The following ITFG1 variants were observed in gnomAD, a reference collection of about 807,000 sequenced individuals.
ITFG1 encodes T-cell immunomodulatory protein.
Under a neutral mutation model 81.8 loss-of-function variants are expected in ITFG1, and 34 were observed. The observed-to-expected ratio is 0.42, with a 90% CI of 0.32 to 0.55. ITFG1 has a LOEUF of 0.55. ITFG1 is among the 20% of genes least tolerant of loss of function. The pLI, the probability that ITFG1 is intolerant of heterozygous loss-of-function variation, is 0.17. For synonymous variants in ITFG1, 285 were observed against 270.6 expected (o/e 1.05, Z -0.52); for missense variants, 672 against 755.4 (o/e 0.89, Z 1.29).
Position 47,249,666 on chromosome 16 carries a change from G to A in ITFG1, c.1330+8966C>T, listed in dbSNP as rs1966044731. On this transcript the variant is annotated intron_variant, in intron 12 of 17. Coordinates refer to ENST00000320640, the MANE Select transcript of ITFG1 (RefSeq NM_030790.5). Reference sequence around the variant, plus strand: ...GATTTAATTTGTAGTTTAAAACATGGACAATGGGATGTGCAATTTGTAAGT... The same window carrying A: ...GATTTAATTTGTAGTTTAAAACATGAACAATGGGATGTGCAATTTGTAAGT... Among the ~76,000 whole-genome samples, 4 of 152,254 alleles carry A rather than the reference G, an allele frequency of 2.6e-5. No individual in the cohort carries two copies. The South Asian group carries it at 8.3e-4, about 32-fold the overall frequency.
intron 14 of ITFG1, among the ~76,000 whole-genome samples, chr16:47,194,588 C>T (rs140462540): frequency 2.1e-4 from 32 of 152,240 alleles, no homozygotes; most frequent in African/African-American, 4.6e-4. Flanking sequence ...TGTTCTCTAG[C>T]GCTGCAAATA....
intron 8 of ITFG1, among the ~76,000 whole-genome samples, chr16:47,359,079 A>T (rs1283739081): frequency 6.6e-6 from 1 of 152,170 alleles, no homozygotes; most frequent in Non-Finnish European, 1.5e-5. Flanking sequence ...GGGATAAGCA[A>T]GGGCAAAGGC....
At chr16:47,248,014 T>C (rs2151537717) in intron 12 of ITFG1, among the ~76,000 whole-genome samples, 1 of 152,334 alleles carries the variant, frequency 6.6e-6, no homozygotes, top group South Asian at 2.1e-4. Context: ...TTCTGCATTC[T>C]CTTTTTCCTT....
At chr16:47,195,491 CAA>C (rs1395751582) in intron 14 of ITFG1, among the ~76,000 whole-genome samples, 4 of 152,100 alleles carry the variant, frequency 2.6e-5, no homozygotes, top group Non-Finnish European at 4.4e-5. Flanking sequence ...TTACTTTAAA[CAA>C]AGTTTTTTTT....
chr16:47,243,925 G>A (rs866819296), intron 12 of ITFG1, among the ~76,000 whole-genome samples: 18 of 152,170 alleles, frequency 1.2e-4, no homozygotes, highest in African/African-American at 4.3e-4. Flanking sequence ...TAGCTACTCG[G>A]GAGGCTGGGG....
rs536061949 is a variant in ITFG1, at chr16:47,168,557, T to G, written c.1454-5893A>C. Reference sequence around the variant, plus strand: ...TGGCTAATTAAAAGTTTTTTTTTTTTTTTTTTTTTTTCTAGAGACAAGGTC... The same window carrying G: ...TGGCTAATTAAAAGTTTTTTTTTTTGTTTTTTTTTTTCTAGAGACAAGGTC... On this transcript the variant is annotated intron_variant, in intron 14 of 17. Transcript: ENST00000320640. Among the ~76,000 whole-genome samples the G allele has an allele frequency of 3.3e-5, 5 of 149,506 alleles. No homozygotes were observed. The East Asian group carries it at 9.7e-4, about 29-fold the overall frequency.
chr16:47,176,953 C>CTTT (rs746522529), intron 14 of ITFG1, among the ~76,000 whole-genome samples: 9 of 135,192 alleles, frequency 6.7e-5, no homozygotes, highest in South Asian at 2.4e-4. Context: ...TCTTCTTCTT[C>CTTT]TTTTTTTTTT....
chr16:47,192,308 C>CACCA (rs1246066790), intron 14 of ITFG1, among the ~76,000 whole-genome samples: 3 of 152,268 alleles, frequency 2.0e-5, no homozygotes, highest in Admixed American at 2.0e-4. Flanking sequence ...GCTGCCTTTG[C>CACCA]TGGTAGTTGC....
chr16:47,362,320 T>C (rs1968119909), intron 8 of ITFG1, among the ~76,000 whole-genome samples: 1 of 152,224 alleles, frequency 6.6e-6, no homozygotes, highest in Non-Finnish European at 1.5e-5. Flanking sequence ...TCAGAGGTTC[T>C]AATAATCTTC....
At chr16:47,216,640 AATTATTTT>A (rs1965628118) in intron 14 of ITFG1, among the ~76,000 whole-genome samples, 1 of 151,950 alleles carries the variant, frequency 6.6e-6, no homozygotes, top group Admixed American at 6.5e-5. Flanking sequence ...ATGAAGTGAG[AATTATTTT>A]ATTATTTTAT....
chr16:47,268,787 G>A (rs721299), intron 10 of ITFG1, among the ~76,000 whole-genome samples: 3 of 152,110 alleles, frequency 2.0e-5, no homozygotes, highest in African/African-American at 7.2e-5. Context: ...GAACACTGTA[G>A]GAATATTATA....
rs763486166 is a variant in ITFG1 at position 47,347,241 on chromosome 16, C to T, written c.802+18547G>A. Among the ~76,000 whole-genome samples, 9 of 152,330 alleles carry T rather than the reference C, an allele frequency of 5.9e-5. No homozygotes were observed. In the South Asian group the frequency reaches 8.3e-4, roughly 14 times the overall value. On this transcript the variant is annotated intron_variant, in intron 8 of 17. Transcript: ENST00000320640. ...GCACTGAGCGTGAGCCGAAGCAGGG[C>T]GAGGCATCGCCCCACCCAGGAAGTG...
At chr16:47,269,866 T>C (rs1294050392) in intron 10 of ITFG1, among the ~76,000 whole-genome samples, 1 of 152,088 alleles carries the variant, frequency 6.6e-6, no homozygotes, top group African/African-American at 2.4e-5. Context: ...GCATATACTA[T>C]CTGAATTGAC....
At chr16:47,201,384 A>G (rs1178357554) in intron 14 of ITFG1, among the ~76,000 whole-genome samples, 1 of 151,258 alleles carries the variant, frequency 6.6e-6, no homozygotes, top group African/African-American at 2.4e-5. Context: ...AATTTTTTGT[A>G]TTTTTATTAC....
At chr16:47,365,694 T>A (rs1968167671) in intron 8 of ITFG1, 94 bp downstream of exon 8, 3 of 740,162 alleles carry the variant, frequency 4.1e-6, no homozygotes, top group Non-Finnish European at 4.6e-6. Flanking sequence ...CCTGGAGTTA[T>A]TTCCTGCTAT....
At chr16:47,332,003 T>A (rs1372029284) in intron 8 of ITFG1, among the ~76,000 whole-genome samples, 1 of 152,116 alleles carries the variant, frequency 6.6e-6, no homozygotes, top group Non-Finnish European at 1.5e-5. Context: ...AAGCACCTTG[T>A]CTTTAAGAAG....
At chr16:47,169,840 G>A (rs566309515) in intron 14 of ITFG1, among the ~76,000 whole-genome samples, 3 of 152,250 alleles carry the variant, frequency 2.0e-5, no homozygotes, top group South Asian at 2.1e-4. Flanking sequence ...TGCCCTTTGT[G>A]ATGTTAAGGA....
chr16:47,162,157 TAAAC>T (rs1476194718), intron 15 of ITFG1, among the ~76,000 whole-genome samples: 1 of 151,798 alleles, frequency 6.6e-6, no homozygotes, highest in African/African-American at 2.4e-5. Context: ...AGACTGACAA[TAAAC>T]AAAGCAAGTA....
chr16:47,258,529 C>G, intron 12 of ITFG1, 103 bp downstream of exon 12: 1 of 634,952 alleles, frequency 1.6e-6, no homozygotes, highest in Non-Finnish European at 2.8e-6. Context: ...ACTGGTTGAT[C>G]TGATCTAGAG....
Sources: gnomAD v4.1 joint callset for allele counts (sites outside exome capture counted in the v4.1 genomes callset) on GRCh38, gnomAD v4.1.1 for gene constraint, MANE v1.5 for transcripts, NCBI Gene and HGNC (gene_info 2026-07-23, HGNC 2026-07-21) for gene names.